The following MYO5B variants were observed in gnomAD, a reference collection of about 807,000 sequenced individuals.
MYO5B encodes unconventional myosin-Vb.
Under a neutral mutation model 229.3 loss-of-function variants are expected in MYO5B, and 143 were observed. That is an observed-to-expected ratio of 0.62 (90% CI 0.54 to 0.72). MYO5B has a LOEUF of 0.72. MYO5B is among the 30% of genes least tolerant of loss of function. The probability of loss-of-function intolerance (pLI) is 0.00; values close to 1 mark genes in which losing one functional copy is unlikely to be tolerated. For missense variants in MYO5B, 2,321 were observed against 2,331.0 expected (o/e 1.00, Z 0.09); for synonymous variants, 918 against 885.2 (o/e 1.04, Z -0.66).
At chr18:50,085,972 G>C (rs1299305176) in intron 1 of MYO5B, among the ~76,000 whole-genome samples, 1 of 152,028 alleles carries the variant, frequency 6.6e-6, no homozygotes, top group Non-Finnish European at 1.5e-5. Context: ...GCTAAATGAG[G>C]AGTTAATGGG....
chr18:49,959,347 G>A (rs1477634211), intron 12 of MYO5B, among the ~76,000 whole-genome samples: 1 of 152,210 alleles, frequency 6.6e-6, no homozygotes, highest in African/African-American at 2.4e-5. Context: ...CATAAATGTG[G>A]CAAGGGCACT....
At chr18:49,844,621 T>G (rs1334993827) in intron 33 of MYO5B, among the ~76,000 whole-genome samples, 4 of 152,220 alleles carry the variant, frequency 2.6e-5, no homozygotes, top group Non-Finnish European at 1.5e-5. Context: ...CATAATACTC[T>G]TGAGTACATG....
At chr18:50,049,534 CA>C (rs551931925) in intron 2 of MYO5B, among the ~76,000 whole-genome samples, 2 of 152,242 alleles carry the variant, frequency 1.3e-5, no homozygotes, top group Non-Finnish European at 2.9e-5. Flanking sequence ...CAGCAATGGA[CA>C]GACCAGACCA....
intron 22 of MYO5B, among the ~76,000 whole-genome samples, chr18:49,892,711 C>T (rs1355165057): frequency 6.6e-6 from 1 of 152,214 alleles, no homozygotes; most frequent in Non-Finnish European, 1.5e-5. Context: ...GCTCATCTAC[C>T]TACCTCCAAC....
chr18:50,144,299 A>AC (rs1256826161), intron 1 of MYO5B, among the ~76,000 whole-genome samples: 1 of 152,100 alleles, frequency 6.6e-6, no homozygotes, highest in Non-Finnish European at 1.5e-5. Flanking sequence ...ACGCATAAAG[A>AC]CCTACCTCAT....
intron 34 of MYO5B, among the ~76,000 whole-genome samples, chr18:49,842,597 C>T (rs1425765162): frequency 6.6e-6 from 1 of 152,238 alleles, no homozygotes; most frequent in Non-Finnish European, 1.5e-5. Flanking sequence ...AGAATCTCAC[C>T]TCCCCCACTG....
chr18:50,140,096 T>G (rs1343375100), intron 1 of MYO5B, among the ~76,000 whole-genome samples: 1 of 152,212 alleles, frequency 6.6e-6, no homozygotes, highest in Non-Finnish European at 1.5e-5. Context: ...GATGTATAAT[T>G]TTGCTTCTTT....
chr18:49,859,730 T>C (rs1294575963), intron 29 of MYO5B, among the ~76,000 whole-genome samples: 2 of 152,114 alleles, frequency 1.3e-5, no homozygotes, highest in African/African-American at 4.8e-5. Context: ...TTGGGGAACA[T>C]AAGGAAATGA....
At chr18:49,993,130 C>T (rs1002935500) in intron 5 of MYO5B, among the ~76,000 whole-genome samples, 2 of 152,090 alleles carry the variant, frequency 1.3e-5, no homozygotes, top group Admixed American at 1.3e-4. Context: ...TGAAGATTTG[C>T]TTCCTATAAA....
At chr18:50,085,366 T>TACC (rs2031308450) in intron 1 of MYO5B, among the ~76,000 whole-genome samples, 1 of 152,118 alleles carries the variant, frequency 6.6e-6, no homozygotes, top group Non-Finnish European at 1.5e-5. Flanking sequence ...CACAATGAGA[T>TACC]ACCATCTCAC....
At chr18:50,060,211 T>C (rs1288224039) in intron 1 of MYO5B, among the ~76,000 whole-genome samples, 2 of 152,210 alleles carry the variant, frequency 1.3e-5, no homozygotes, top group Non-Finnish European at 2.9e-5. Flanking sequence ...ACTGTTCTGG[T>C]TGTAGAGATT....
At chr18:50,093,108 A>G (rs149915147) in intron 1 of MYO5B, among the ~76,000 whole-genome samples, 14 of 152,246 alleles carry the variant, frequency 9.2e-5, no homozygotes, top group African/African-American at 3.1e-4. Flanking sequence ...ACATGAAAAG[A>G]TGCTCAACTT....
intron 4 of MYO5B, among the ~76,000 whole-genome samples, chr18:50,022,353 A>G (rs2026285033): frequency 6.6e-6 from 1 of 152,252 alleles, no homozygotes; most frequent in African/African-American, 2.4e-5. Context: ...ATCACTTATG[A>G]TACTAAGAAA....
chr18:49,915,276 C>T (rs1053601364), intron 17 of MYO5B, among the ~76,000 whole-genome samples: 2 of 150,946 alleles, frequency 1.3e-5, no homozygotes, highest in Admixed American at 1.3e-4. Flanking sequence ...AACTATCACA[C>T]CCTATTCTGC....
chr18:49,909,313 A>T (rs1421075102), intron 18 of MYO5B, among the ~76,000 whole-genome samples: 1 of 152,228 alleles, frequency 6.6e-6, no homozygotes, highest in Non-Finnish European at 1.5e-5. Flanking sequence ...GTCTCCAGGA[A>T]GGATAACTGC....
chr18:49,962,514 C>G (rs2025571315), intron 11 of MYO5B, 108 bp from the exon 12 acceptor site: 1 of 1,474,548 alleles, frequency 6.8e-7, no homozygotes, highest in Admixed American at 1.7e-5. Flanking sequence ...AGAGAACTGC[C>G]AGATAAGGTT....
chr18:50,153,270 A>C (rs2032628063), intron 1 of MYO5B, among the ~76,000 whole-genome samples: 1 of 152,200 alleles, frequency 6.6e-6, no homozygotes, highest in African/African-American at 2.4e-5. Context: ...AAAAGGCATA[A>C]GACTTCAGTG....
At chr18:49,917,515 C>T (rs962194736) in intron 17 of MYO5B, among the ~76,000 whole-genome samples, 95 of 151,290 alleles carry the variant, frequency 6.3e-4, no homozygotes, top group African/African-American at 2.2e-3. Flanking sequence ...AAGAACAGGA[C>T]ACCTTCTCGA....
chr18:50,138,139 T>C (rs1307271825), intron 1 of MYO5B, among the ~76,000 whole-genome samples: 2 of 152,148 alleles, frequency 1.3e-5, no homozygotes, highest in Non-Finnish European at 2.9e-5. Flanking sequence ...GAACATATAC[T>C]CCACAAATAC....
Sources: gnomAD v4.1 joint callset for allele counts (sites outside exome capture counted in the v4.1 genomes callset) on GRCh38, gnomAD v4.1.1 for gene constraint, MANE v1.5 for transcripts, NCBI Gene and HGNC (gene_info 2026-07-23, HGNC 2026-07-21) for gene names.